The following TTN variants were observed in gnomAD, a reference collection of about 807,000 sequenced individuals.
TTN encodes titin, also known as connectin.
TTN carries 1,525 observed loss-of-function variants against 3,223.0 expected under a neutral mutation model. The observed-to-expected ratio is 0.47, with a 90% CI of 0.45 to 0.49. The LOEUF (loss-of-function observed/expected upper bound fraction) is 0.49, where lower values mean the gene tolerates loss of function less well. Ranked by LOEUF, TTN falls within the 20% of genes least tolerant of loss-of-function variation. The pLI, the probability that TTN is intolerant of heterozygous loss-of-function variation, is 0.00. For synonymous variants in TTN, 14,094 were observed against 15,161.0 expected, an observed-to-expected ratio of 0.93 and a Z score of 5.17; for missense variants, 40,786 against 43,424.0, an observed-to-expected ratio of 0.94 and a Z score of 5.40.
intron 72 of TTN, 55 bp from the exon 73 acceptor site, chr2:178,724,198 G>C: frequency 1.9e-6 from 3 of 1,581,648 alleles, no homozygotes; most frequent in Non-Finnish European, 2.6e-6. Flanking sequence ...GAAGAGACTT[G>C]AAAGAAGGAA....
rs2061920142 is a variant in TTN, at chr2:178,646,107, TATATATATATATATA to T, written c.40298-92_40298-78del. 19 of 85,296 alleles carry T rather than the reference TATATATATATATATA, an allele frequency of 2.2e-4. 2 individuals are homozygous for T. The highest frequency in any genetic ancestry group is 7.9e-4 in the African/African-American group (15 of 18,968). 5.3% of individuals were successfully genotyped at this position (85,296 alleles called of 1,614,324 possible). ...TATGTAGTATATTTAATAGAAATTA[TATATATATATATATA>T]TATATATATATATATATATATATAT... On this transcript the variant is annotated intron_variant, in intron 216 of 362. Transcript: ENST00000589042.
chr2:178,549,824 G>A lies in TTN; in HGVS notation c.91898C>T (p.Thr30633Ile), dbSNP rs780636599. 6.3e-7 allele frequency: 1 copy of A among 1,598,014 alleles called. No individual in the cohort carries two copies. Among genetic ancestry groups the A allele is most frequent in the Non-Finnish European group, 8.5e-7 (1 of 1,170,022 alleles). The change falls in exon 338 of 363, where the codon ACT (threonine) becomes ATT (isoleucine). Residue 30633 changes from threonine to isoleucine, a missense_variant. Thr to Ile is a moderately conservative substitution (Grantham distance 89). Coordinates refer to ENST00000589042, the MANE Select transcript of TTN (RefSeq NM_001267550.2). Reference sequence around the variant, plus strand: ...CCACCACAGAGTCATCTTCTCCCCAGTAATATTGGTGAATCTTATTGGCCC... The same window carrying A: ...CCACCACAGAGTCATCTTCTCCCCAATAATATTGGTGAATCTTATTGGCCC... The part of the protein sequence containing the change: ...VVGPIRFTNI[T>I]GEKMTLWWDA...
At position 178,598,721 on chromosome 2, in the gene TTN, AAAAAAAGGAATGGT is replaced by A; in HGVS notation, c.56962+13_56962+26del. 6.2e-7 allele frequency: 1 copy of A among 1,603,228 alleles called. No homozygotes were observed. On this transcript the variant is annotated intron_variant, in intron 291 of 362. Coordinates refer to ENST00000589042, the MANE Select transcript of TTN (RefSeq NM_001267550.2). Reference sequence around the variant, plus strand: ...AGGCACTTTTGGAAAATAAGATTTAAAAAAAAGGAATGGTTTCCAGGCTTACCAATTGGATCTCT... The same window carrying A: ...AGGCACTTTTGGAAAATAAGATTTAATTCCAGGCTTACCAATTGGATCTCT...
At chr2:178,787,649 C>T (rs576184769) in intron 13 of TTN, among the ~76,000 whole-genome samples, 3 of 152,056 alleles carry the variant, frequency 2.0e-5, no homozygotes, top group Non-Finnish European at 4.4e-5. Context: ...GTCAAAGAAA[C>T]TGTCATATGA....
Position 178,715,332 on chromosome 2 carries a change from T to C in TTN, c.25922-68A>G. On this transcript the variant is annotated intron_variant, in intron 89 of 362. Transcript: ENST00000589042. ...ATATAGTTAAAAGTAAGAATCAATC[T>C]TCCACTCCATCAGAGAGATAGAGAG... 4.6e-6 allele frequency: 7 copies of C among 1,521,246 alleles called. No individual in the cohort carries two copies. In the South Asian group the frequency reaches 8.0e-5, roughly 17 times the overall value. 94.2% of individuals were successfully genotyped at this position (1,521,246 alleles called of 1,614,324 possible).
rs748885610 is a variant in TTN at position 178,739,775 on chromosome 2, G to A, written c.13458C>T (p.Asp4486=). ...ALCAIIYEEI[D]ILTAEGPRIQ... ...TTCTAGGACCCTCAGCTGTTAGGAT[G>A]TCTATTTCCTCATATATAATAGCAC... The change falls in exon 48 of 363, where the codon GAC becomes GAT. Residue 4486 remains aspartate, a synonymous_variant. Coordinates refer to ENST00000589042, the MANE Select transcript of TTN (RefSeq NM_001267550.2). The A allele has an allele frequency of 2.0e-5, 32 of 1,613,712 alleles. No homozygotes were observed. The African/African-American group carries it at 2.5e-4, about 13-fold the overall frequency.
At chr2:178,644,807 G>T in intron 217 of TTN, 191 bp from the exon 218 acceptor site, 1 of 471,026 alleles carries the variant, frequency 2.1e-6, no homozygotes, top group Non-Finnish European at 3.7e-6. Flanking sequence ...TTACTCCAAA[G>T]TTCAGTAGTT....
chr2:178,629,863 T>G (rs1422829417), intron 239 of TTN, among the ~76,000 whole-genome samples: 1 of 152,100 alleles, frequency 6.6e-6, no homozygotes, highest in Non-Finnish European at 1.5e-5. Flanking sequence ...CCTTCTTTCT[T>G]GAATCTAAAA....
Position 178,634,896 on chromosome 2 carries a change from T to TA in TTN, c.42025-48dup. 6.4e-7 allele frequency: 1 copy of TA among 1,571,010 alleles called. No homozygotes were observed. Among genetic ancestry groups the TA allele is most frequent in the Admixed American group, 2.0e-5 (1 of 49,406 alleles). ...AACCATTTGAAAGAGATAAATTCCC[T>TA]ATAGGAGAAGTGTTTCAGATACAAA... On this transcript the variant is annotated intron_variant, in intron 228 of 362. Coordinates refer to ENST00000589042, the MANE Select transcript of TTN (RefSeq NM_001267550.2). The surrounding 1 kb of genome is among the most constrained non-coding windows in gnomAD (Gnocchi z 4.6).
In TTN at chr2:178,563,493, C is replaced by T. The variant is rs779874042; in HGVS notation, c.82639G>A (p.Glu27547Lys). 9.3e-6 allele frequency: 15 copies of T among 1,613,728 alleles called. 1 individual carries two copies. In the South Asian group the frequency reaches 1.6e-4, roughly 18 times the overall value. ...GGTTCTCCCACACCAGCTGCATTTT[C>T]AGCAGCAACTCTGAATTCATAGGAA... ...GHSYEFRVAA[E>K]NAAGVGEPSE... Residue 27547 changes from glutamate (E) to lysine (K), a missense_variant, in exon 326 of 363, where the codon GAA becomes AAA. Physicochemically the swap from Glu to Lys is moderately conservative, Grantham distance 56. Transcript: ENST00000589042. The surrounding 1 kb of genome is among the most constrained non-coding windows in gnomAD (Gnocchi z 4.5).
rs759141317 is a variant in TTN, at chr2:178,731,865, C to A, written c.17010G>T (p.Trp5670Cys). Residue 5670 changes from tryptophan to cysteine, a missense_variant, in exon 58 of 363, where the codon TGG becomes TGT. By Grantham distance (215) the Trp-to-Cys change is radical. Transcript: ENST00000589042. ...VAGTPPFEIT[W>C]FKDNTILRSG... ...TTCGCAGGATTGTGTTATCTTTGAA[C>A]CAAGTGATCTCAAAGGGAGGAGTGC... The A allele has an allele frequency of 6.2e-7, 1 of 1,613,764 alleles. No homozygotes were observed. Among genetic ancestry groups the A allele is most frequent in the Non-Finnish European group, 8.5e-7 (1 of 1,179,748 alleles).
At chr2:178,664,795 A>C in intron 166 of TTN, 57 bp downstream of exon 166, 1 of 1,610,326 alleles carries the variant, frequency 6.2e-7, no homozygotes, top group East Asian at 2.2e-5. Context: ...GAATAGCAAA[A>C]ATATTCTCAA....
In TTN at chr2:178,773,333, C is replaced by T; in HGVS notation, c.7631G>A (p.Cys2544Tyr). 1 of 1,613,888 alleles carries T rather than the reference C, an allele frequency of 6.2e-7. No homozygotes were observed. Among genetic ancestry groups the T allele is most frequent in the Non-Finnish European group, 8.5e-7 (1 of 1,179,978 alleles). Reference protein sequence around the residue: ...KIIRGLRDLTCTETQNVVFEV... With the variant: ...KIIRGLRDLTYTETQNVVFEV... ...AAACACCACATTTTGAGTTTCTGTA[C>T]AGGTAAGGTCACGAAGACCTCTGAT... is the stretch of plus-strand genomic sequence containing the variant. Residue 2544 changes from cysteine (C) to tyrosine (Y), a missense_variant, in exon 33 of 363, where the codon TGT becomes TAT. By Grantham distance (194) the Cys-to-Tyr change is radical (BLOSUM62 -2). Coordinates refer to ENST00000589042, the MANE Select transcript of TTN (RefSeq NM_001267550.2).
In TTN at chr2:178,552,113, C is replaced by T. The variant is rs745701838; in HGVS notation, c.90787G>A (p.Glu30263Lys). ...TTAGTTTGTGAAGTTTCCCGCTTCT[C>T]GATGCTGTAACAAGTAATTTCTCCT... ...GGGEITCYSI[E>K]KRETSQTNWK... is the part of the protein sequence containing the mutation. The change falls in exon 335 of 363, where the codon GAG becomes AAG. Residue 30263 changes from glutamate to lysine, a missense_variant. Physicochemically the swap from Glu to Lys is moderately conservative, Grantham distance 56 (BLOSUM62 1). Transcript: ENST00000589042. 6.8e-6 allele frequency: 11 copies of T among 1,613,620 alleles called. No homozygotes were observed. In the East Asian group the frequency reaches 8.9e-5, roughly 13 times the overall value.
Position 178,784,129 on chromosome 2 carries a change from T to G in TTN, c.2716A>C (p.Ile906Leu), listed in dbSNP as rs1304074202. Residue 906 changes from isoleucine (I) to leucine (L), a missense_variant, in exon 16 of 363, where the codon ATC becomes CTC. Transcript: ENST00000589042. Reference protein sequence around the residue: ...VEVKKEVGVSITGTTVREERF... With the variant: ...VEVKKEVGVSLTGTTVREERF... ...TCTTCACGGACGGTGGTGCCAGTGA[T>G]GCTCACCCCTACTTCCTTTTTCACC... The G allele has an allele frequency of 6.2e-7, 1 of 1,614,058 alleles. No homozygotes were observed. Among genetic ancestry groups the G allele is most frequent in the East Asian group, 2.2e-5 (1 of 44,870 alleles).
intron 321 of TTN, among the ~76,000 whole-genome samples, 179 bp from the exon 322 acceptor site, chr2:178,578,364 AGTT>A (rs1437660042): frequency 2.0e-5 from 3 of 152,016 alleles, no homozygotes; most frequent in African/African-American, 4.8e-5. Context: ...GAATATGCAT[AGTT>A]GTTGTCTTTT....
At chr2:178,600,394 G>A (rs1267968669) in intron 288 of TTN, 1 of 147,004 alleles carries the variant, frequency 6.8e-6, no homozygotes, top group Non-Finnish European at 1.5e-5. Flanking sequence ...GTAATTATCA[G>A]AGGAAGAATT....
In TTN at chr2:178,548,802, TG is replaced by T; in HGVS notation, c.92823del (p.Ser30942ValfsTer70). ...FKQTHVVRAG[A>X]SIRLFIAYQG... ...TGGTAGGCAATGAAGAGGCGAATAC[TG>T]GCCCCAGCTCTAACAACATGAGTCT... On this transcript the variant is annotated frameshift_variant, in exon 339 of 363. Transcript: ENST00000589042. LOFTEE classifies it high-confidence loss of function. This position sits in a 1 kb window ranked among gnomAD's most constrained non-coding sequence, Gnocchi z 4.3. 1 of 1,612,820 alleles carries T rather than the reference TG, an allele frequency of 6.2e-7. No homozygotes were observed. The highest frequency in any genetic ancestry group is 8.5e-7 in the Non-Finnish European group (1 of 1,179,794).
In TTN at chr2:178,571,955, G is replaced by A. The variant is rs975263285; in HGVS notation, c.74177C>T (p.Thr24726Ile). 14 of 1,613,346 alleles carry A rather than the reference G, an allele frequency of 8.7e-6. No homozygotes were observed. Among genetic ancestry groups the A allele is most frequent in the Non-Finnish European group, 1.2e-5 (14 of 1,179,606 alleles). Reference sequence around the variant, plus strand: ...TTTTAGGTCTTCACCTGCCAGTACAGTGAAAGTATTGAACAGGAGTTTGAA... The same window carrying A: ...TTTTAGGTCTTCACCTGCCAGTACAATGAAAGTATTGAACAGGAGTTTGAA... ...PAFKLLFNTF[T>I]VLAGEDLKVD... Residue 24726 changes from threonine to isoleucine, a missense_variant, in exon 326 of 363, where the codon ACT becomes ATT. Physicochemically the swap from Thr to Ile is moderately conservative, Grantham distance 89. Transcript: ENST00000589042.
Sources: gnomAD v4.1 joint callset for allele counts (sites outside exome capture counted in the v4.1 genomes callset) on GRCh38, gnomAD v4.1.1 for gene constraint, Gnocchi (gnomAD v3.1) non-coding constraint, MANE v1.5 for transcripts, NCBI Gene and HGNC (gene_info 2026-07-23, HGNC 2026-07-21) for gene names.